ZNF567: variants seen among roughly 807,000 people sequenced by gnomAD.
ZNF567 encodes zinc finger protein 567.
Under a neutral mutation model 53.9 loss-of-function variants are expected in ZNF567, and 36 were observed. That is an observed-to-expected ratio of 0.67 (90% CI 0.51 to 0.88). The LOEUF is 0.88. ZNF567 is among the 40% of genes least tolerant of loss of function. The probability of loss-of-function intolerance (pLI) is 0.00; values close to 1 mark genes in which losing one functional copy is unlikely to be tolerated. For missense variants in ZNF567, 619 were observed against 764.7 expected, an observed-to-expected ratio of 0.81 and a Z score of 2.25; for synonymous variants, 224 against 260.4, an observed-to-expected ratio of 0.86 and a Z score of 1.35.
chr19:36,718,791 C>T (rs984498073), intron 5 of ZNF567, among the ~76,000 whole-genome samples, 157 bp from the exon 6 acceptor site: 1 of 152,114 alleles, frequency 6.6e-6, no homozygotes, highest in Non-Finnish European at 1.5e-5. Context: ...CACTCTGAAG[C>T]AGTTTTTGTT....
chr19:36,670,874 T>C, the ZNF567 span, among the ~76,000 whole-genome samples: 14 of 152,070 alleles, frequency 9.2e-5, no homozygotes, highest in African/African-American at 3.1e-4. Flanking sequence ...GGCCAAGGCA[T>C]GTGGATCATC....
At chr19:36,695,148 T>C (rs2038814856) in intron 3 of ZNF567, among the ~76,000 whole-genome samples, 1 of 151,318 alleles carries the variant, frequency 6.6e-6, no homozygotes, top group Non-Finnish European at 1.5e-5. Context: ...TTTGAGAGGC[T>C]GAGGCAGGAG....
chr19:36,724,681 CAAAA>C (rs577726722), downstream of ZNF567, among the ~76,000 whole-genome samples: 2 of 117,292 alleles, frequency 1.7e-5, no homozygotes, highest in Non-Finnish European at 3.5e-5. Flanking sequence ...GACTTCATCT[CAAAA>C]AAAAAAAAAA....
intron 3 of ZNF567, among the ~76,000 whole-genome samples, chr19:36,704,742 C>T (rs1209126521): frequency 6.6e-6 from 1 of 152,096 alleles, no homozygotes; most frequent in Non-Finnish European, 1.5e-5. Context: ...ATTCTCTCCT[C>T]TTATTATTTT....
At chr19:36,717,538 C>T (rs1254577341) in intron 5 of ZNF567, among the ~76,000 whole-genome samples, 1 of 152,000 alleles carries the variant, frequency 6.6e-6, no homozygotes, top group Admixed American at 6.6e-5. Context: ...TGTGGACAAC[C>T]CTGAAAACTT....
chr19:36,703,086 T>A (rs371192140), intron 3 of ZNF567, among the ~76,000 whole-genome samples: 7 of 151,204 alleles, frequency 4.6e-5, no homozygotes, highest in Admixed American at 1.3e-4. Context: ...ATGATGGTGA[T>A]GTACAGATGG....
chr19:36,693,126 A>C (rs988203724), intron 2 of ZNF567, among the ~76,000 whole-genome samples: 6 of 142,624 alleles, frequency 4.2e-5, no homozygotes, highest in African/African-American at 1.6e-4. Context: ...CATTTCTACC[A>C]AAAAAAAAAA....
At chr19:36,715,503 A>T (rs201345291) in intron 5 of ZNF567, among the ~76,000 whole-genome samples, 607 of 30,688 alleles carry the variant, frequency 0.02, 1 homozygote, top group South Asian at 0.027. Context: ...TAATAATAAT[A>T]ATAATAATTA....
chr19:36,704,982 G>A (rs1172078736), intron 3 of ZNF567, among the ~76,000 whole-genome samples: 4 of 152,172 alleles, frequency 2.6e-5, no homozygotes, highest in Admixed American at 2.6e-4. Flanking sequence ...GTTGTAAAAT[G>A]TATTGGCATA....
At chr19:36,692,916 T>TA (rs2038694065) in intron 2 of ZNF567, among the ~76,000 whole-genome samples, 1 of 152,252 alleles carries the variant, frequency 6.6e-6, no homozygotes, top group African/African-American at 2.4e-5. Context: ...TCTGGGCCCT[T>TA]TTGGACAAAG....
At chr19:36,707,142 TTA>T (rs926344686) in intron 3 of ZNF567, among the ~76,000 whole-genome samples, 6 of 152,144 alleles carry the variant, frequency 3.9e-5, no homozygotes, top group South Asian at 2.1e-4. Context: ...TTTTTTCCAA[TTA>T]TGTTTTCTTT....
At chr19:36,693,253 A>G (rs1470136581) in intron 2 of ZNF567, among the ~76,000 whole-genome samples, 9 of 152,264 alleles carry the variant, frequency 5.9e-5, no homozygotes, top group African/African-American at 2.2e-4. Flanking sequence ...AGGCCACTGC[A>G]CTCCATCCTG....
chr19:36,691,749 A>G (rs1442118322), intron 2 of ZNF567, among the ~76,000 whole-genome samples: 2 of 152,198 alleles, frequency 1.3e-5, no homozygotes, highest in African/African-American at 4.8e-5. Flanking sequence ...TTCATTCAGT[A>G]AGGATGTTGC....
chr19:36,696,146 A>G (rs2038874315), intron 3 of ZNF567, among the ~76,000 whole-genome samples: 1 of 152,172 alleles, frequency 6.6e-6, no homozygotes, highest in Admixed American at 6.6e-5. Context: ...TGTAGAAGTA[A>G]ATATATTTGT....
At chr19:36,694,733 A>T (rs1383175153) in intron 2 of ZNF567, 69 bp from the exon 3 acceptor site, 2 of 739,528 alleles carry the variant, frequency 2.7e-6, no homozygotes, top group African/African-American at 1.8e-5. Flanking sequence ...CAATTTTAAT[A>T]GAATTATAAG....
intron 3 of ZNF567, 26 bp downstream of exon 3, chr19:36,694,902 T>C (rs1407874883): frequency 6.6e-7 from 1 of 1,506,020 alleles, no homozygotes; most frequent in South Asian, 1.3e-5. Context: ...CTCTCTCCTT[T>C]CTGAAAGTCT....
intron 3 of ZNF567, 142 bp from the exon 4 acceptor site, chr19:36,712,244 C>T (rs1326096265): frequency 4.2e-6 from 3 of 719,898 alleles, no homozygotes; most frequent in Non-Finnish European, 6.7e-6. Flanking sequence ...CATGGGGTTT[C>T]ACCATCTTGG....
intron 3 of ZNF567, among the ~76,000 whole-genome samples, chr19:36,706,024 A>T (rs1395609895): frequency 1.3e-5 from 2 of 152,198 alleles, no homozygotes; most frequent in Non-Finnish European, 2.9e-5. Context: ...AAGAACAAAA[A>T]TAAATTTTCT....
At chr19:36,669,049 T>C in the ZNF567 span, 3 of 152,294 alleles carry the variant, frequency 2.0e-5, no homozygotes, top group South Asian at 6.2e-4. Flanking sequence ...ACTATGTACA[T>C]AGTATTTACA....
Sources: allele counts gnomAD v4.1 joint callset (sites outside exome capture counted in the v4.1 genomes callset), GRCh38; gene constraint gnomAD v4.1.1; transcripts MANE v1.5; gene names NCBI Gene and HGNC (gene_info 2026-07-23, HGNC 2026-07-21).